FMOD: variants seen among roughly 807,000 people sequenced by gnomAD.
FMOD encodes fibromodulin.
In FMOD, 15 loss-of-function variants were observed where a neutral mutation model predicts 27.0. The ratio of observed to expected loss-of-function variants is 0.55; its 90% CI spans 0.37 to 0.85. The LOEUF is 0.85. FMOD is among the 40% of genes least tolerant of loss of function. FMOD has a pLI of 0.00. For missense variants in FMOD, 460 were observed against 483.2 expected (o/e 0.95, Z 0.45); for synonymous variants, 210 against 214.0 (o/e 0.98, Z 0.16).
rs1658787643 is a variant in FMOD, at chr1:203,341,117, T to C, written c.*1226A>G. 6.6e-6 allele frequency: 1 copy of C among 152,250 alleles called. No individual in the cohort carries two copies. Among genetic ancestry groups the C allele is most frequent in the Non-Finnish European group, 1.5e-5 (1 of 68,052 alleles). 9.4% of individuals were successfully genotyped at this position (152,250 alleles called of 1,614,324 possible). A position where few individuals can be genotyped will look rare whatever the true frequency, so the allele number is the denominator to read the frequency against. On this transcript the variant is annotated 3_prime_UTR_variant, in exon 3 of 3. Coordinates refer to ENST00000354955, the MANE Select transcript of FMOD (RefSeq NM_002023.5). The stretch of plus-strand genomic sequence containing the variant: ...CACTAATGAGGATATAGCTCAGAGA[T>C]GTGAAAGCAGAGGGTTGTATGCCCA...
At chr1:203,342,778 A>ATT (rs36084653) in intron 2 of FMOD, among the ~76,000 whole-genome samples, 74 of 146,308 alleles carry the variant, frequency 5.1e-4, no homozygotes, top group East Asian at 1.0e-3. Context: ...CCTCTGGGAC[A>ATT]TTTTTTTTTT....
At position 203,342,172 on chromosome 1, in the gene FMOD, T is replaced by C. The variant is rs534479881; in HGVS notation, c.*171A>G. 9 of 690,390 alleles carry C rather than the reference T, an allele frequency of 1.3e-5. No individual in the cohort carries two copies. Among genetic ancestry groups the C allele is most frequent in the African/African-American group, 9.1e-5 (5 of 55,120 alleles). 42.8% of individuals were successfully genotyped at this position (690,390 alleles called of 1,614,324 possible). On this transcript the variant is annotated 3_prime_UTR_variant, in exon 3 of 3. Transcript: ENST00000354955. ...TCTGCCTATGTCCTCAGCAGAAGGC[T>C]GCCTGTCCCTGATCGCCCCCCCTAA...
chr1:203,343,554 T>C (rs905211864), intron 2 of FMOD, among the ~76,000 whole-genome samples: 3 of 152,210 alleles, frequency 2.0e-5, no homozygotes, highest in Non-Finnish European at 2.9e-5. Context: ...AAGTTACCCA[T>C]TGGGTCTTGA....
chr1:203,349,400 G>T (rs1318824513), intron 1 of FMOD, among the ~76,000 whole-genome samples: 4 of 152,186 alleles, frequency 2.6e-5, no homozygotes, highest in African/African-American at 9.7e-5. Flanking sequence ...TGAACCTGTT[G>T]TGCTAATGAG....
At position 203,347,415 on chromosome 1, in the gene FMOD, C is replaced by T. The variant is rs1400737384; in HGVS notation, c.856G>A (p.Ala286Thr). ...SHNSLTNNGL[A>T]SNTFNSSSLL... ...CTGCTGGAATTGAAGGTGTTGGAGG[C>T]CAGGCCATTGTTGGTTAGACTGTTG... The change falls in exon 2 of 3, where the codon GCC (alanine) becomes ACC (threonine). Residue 286 changes from alanine to threonine, a missense_variant. Ala to Thr is a moderately conservative substitution (Grantham distance 58). Coordinates refer to ENST00000354955, the MANE Select transcript of FMOD (RefSeq NM_002023.5). 1 of 1,614,160 alleles carries T rather than the reference C, an allele frequency of 6.2e-7. No homozygotes were observed. Among genetic ancestry groups the T allele is most frequent in the Admixed American group, 1.7e-5 (1 of 60,006 alleles).
intron 1 of FMOD, among the ~76,000 whole-genome samples, chr1:203,350,010 A>G (rs1348737628): frequency 6.6e-6 from 1 of 152,234 alleles, no homozygotes; most frequent in East Asian, 1.9e-4. Flanking sequence ...CCCACTGCCA[A>G]CAGAGCATTT....
intron 2 of FMOD, among the ~76,000 whole-genome samples, chr1:203,346,174 G>A (rs1293524504): frequency 2.0e-5 from 3 of 152,096 alleles, no homozygotes; most frequent in Non-Finnish European, 4.4e-5. Flanking sequence ...TGAGCACAGG[G>A]GAGAAAGGAA....
At chr1:203,346,148 T>C (rs944843406) in intron 2 of FMOD, among the ~76,000 whole-genome samples, 37 of 152,182 alleles carry the variant, frequency 2.4e-4, no homozygotes, top group African/African-American at 8.9e-4. Context: ...TCTTGCTCAA[T>C]GACTGATCTG....
Position 203,347,807 on chromosome 1 carries a change from C to G in FMOD, c.464G>C (p.Arg155Thr), listed in dbSNP as rs200677188. The change falls in exon 2 of 3, where the codon AGG (arginine) becomes ACG (threonine). Residue 155 changes from arginine (R) to threonine (T), a missense_variant. By Grantham distance (71) the Arg-to-Thr change is moderately conservative. Coordinates refer to ENST00000354955, the MANE Select transcript of FMOD (RefSeq NM_002023.5). ...KVGRKVFSKL[R>T]HLERLYLDHN... The stretch of plus-strand genomic sequence containing the variant: ...GTCCAGGTACAGCCTCTCCAGGTGC[C>G]TCAGCTTGGAGAAGACCTTCCTGCC... The G allele has an allele frequency of 1.2e-4, 190 of 1,613,938 alleles. 2 individuals carry two copies. In the East Asian group the frequency reaches 3.7e-3, roughly 31 times the overall value.
chr1:203,345,237 C>T (rs778754317), intron 2 of FMOD, among the ~76,000 whole-genome samples: 4 of 152,076 alleles, frequency 2.6e-5, no homozygotes, highest in Admixed American at 6.5e-5. Flanking sequence ...AATTTGTTTG[C>T]GGGACCTTAG....
At chr1:203,349,138 G>C (rs910187114) in intron 1 of FMOD, among the ~76,000 whole-genome samples, 3 of 152,220 alleles carry the variant, frequency 2.0e-5, no homozygotes, top group Non-Finnish European at 4.4e-5. Context: ...ATGGTGCCTA[G>C]TAAGGTGTTA....
intron 2 of FMOD, among the ~76,000 whole-genome samples, chr1:203,342,878 C>A (rs1427275961): frequency 6.6e-6 from 1 of 151,866 alleles, no homozygotes; most frequent in Non-Finnish European, 1.5e-5. Flanking sequence ...CCTTGAAATA[C>A]TTGATTGTTT....
rs1049645476 is a variant in FMOD, at chr1:203,341,401, C to A, written c.*942G>T. The stretch of plus-strand genomic sequence containing the variant: ...GGCCGCTACCTTTGTGGATAAAAAC[C>A]CAGGTAGGATGCTGTTTGGAATGCA... On this transcript the variant is annotated 3_prime_UTR_variant, in exon 3 of 3. Coordinates refer to ENST00000354955, the MANE Select transcript of FMOD (RefSeq NM_002023.5). The A allele has an allele frequency of 2.0e-4, 31 of 152,120 alleles. No homozygotes were observed. The highest frequency in any genetic ancestry group is 6.8e-4 in the African/African-American group (28 of 41,410). The allele number at this position is 152,120 out of a possible 1,614,324, so 9.4% of individuals were successfully genotyped here.
At chr1:203,345,005 C>T (rs1658862968) in intron 2 of FMOD, among the ~76,000 whole-genome samples, 1 of 152,154 alleles carries the variant, frequency 6.6e-6, no homozygotes, top group Non-Finnish European at 1.5e-5. Context: ...AGAAGAAAGG[C>T]TAATAATAAT....
chr1:203,350,628 C>T (rs1437117589), intron 1 of FMOD, among the ~76,000 whole-genome samples: 1 of 152,000 alleles, frequency 6.6e-6, no homozygotes, highest in African/African-American at 2.4e-5. Flanking sequence ...GTTTCCCCCT[C>T]TCCCATAATA....
chr1:203,343,576 T>C (rs1658836155), intron 2 of FMOD, among the ~76,000 whole-genome samples: 1 of 152,220 alleles, frequency 6.6e-6, no homozygotes, highest in Non-Finnish European at 1.5e-5. Context: ...GGTAGGATTG[T>C]CCATGGACAC....
rs1571515469 is a variant in FMOD at position 203,342,011 on chromosome 1, T to C, written c.*332A>G. On this transcript the variant is annotated 3_prime_UTR_variant, in exon 3 of 3. Coordinates refer to ENST00000354955, the MANE Select transcript of FMOD (RefSeq NM_002023.5). Reference sequence around the variant, plus strand: ...TTGTTAGAAAAGTATGGTTATATACTATTGCCCATGCCACTTTTGAAGTTC... The same window carrying C: ...TTGTTAGAAAAGTATGGTTATATACCATTGCCCATGCCACTTTTGAAGTTC... The C allele has an allele frequency of 3.5e-6, 1 of 288,024 alleles. No homozygotes were observed. Among genetic ancestry groups the C allele is most frequent in the East Asian group, 7.1e-5 (1 of 14,042 alleles). The allele number at this position is 288,024 out of a possible 1,614,324, so 17.8% of individuals were successfully genotyped here.
Position 203,347,997 on chromosome 1 carries a change from A to G in FMOD, c.274T>C (p.Cys92Arg). 2 of 1,604,582 alleles carry G rather than the reference A, an allele frequency of 1.2e-6. No homozygotes were observed. The highest frequency in any genetic ancestry group is 1.3e-5 in the African/African-American group (1 of 74,824). ...AGGTACTTGAGGTTGCGATTGTCACAGTACATGGCCGTGGGGAAGTTGGGT... is the reference window on the plus strand; with the variant it reads ...AGGTACTTGAGGTTGCGATTGTCACGGTACATGGCCGTGGGGAAGTTGGGT... ...CPPNFPTAMY[C>R]DNRNLKYLPF... The change falls in exon 2 of 3, where the codon TGT (cysteine) becomes CGT (arginine). Residue 92 changes from cysteine (C) to arginine (R), a missense_variant. Physicochemically the swap from Cys to Arg is radical, Grantham distance 180. Coordinates refer to ENST00000354955, the MANE Select transcript of FMOD (RefSeq NM_002023.5).
In FMOD at chr1:203,342,062, C is replaced by T. The variant is rs1210926894; in HGVS notation, c.*281G>A. ...CATGACCTCAGATCATTGGGAAGAA[C>T]TTAAGAGCCGTGAGATTTATGGGGT... On this transcript the variant is annotated 3_prime_UTR_variant, in exon 3 of 3. Transcript: ENST00000354955. 5.0e-6 allele frequency: 2 copies of T among 403,408 alleles called. No homozygotes were observed. The highest frequency in any genetic ancestry group is 4.1e-5 in the African/African-American group (2 of 49,184). The allele number at this position is 403,408 out of a possible 1,614,324, so 25.0% of individuals were successfully genotyped here.
Sources: allele counts gnomAD v4.1 joint callset (sites outside exome capture counted in the v4.1 genomes callset), GRCh38; gene constraint gnomAD v4.1.1; transcripts MANE v1.5; gene names NCBI Gene and HGNC (gene_info 2026-07-23, HGNC 2026-07-21).